Variants in CADM1 observed in about 807,000 individuals in gnomAD.
CADM1 encodes the protein cell adhesion molecule 1.
CADM1 carries 15 observed loss-of-function variants against 53.1 expected under a neutral mutation model. The observed-to-expected ratio is 0.28, with a 90% CI of 0.19 to 0.44. The LOEUF (loss-of-function observed/expected upper bound fraction) is 0.44, where lower values mean the gene tolerates loss of function less well. CADM1 is among the 20% of genes least tolerant of loss of function. The pLI is 1.00. For synonymous variants in CADM1, 281 were observed against 243.0 expected (o/e 1.16, Z -1.45); for missense variants, 434 against 611.3 (o/e 0.71, Z 3.06).
At chr11:115,319,539 T>C (rs1944766767) in intron 1 of CADM1, among the ~76,000 whole-genome samples, 1 of 152,166 alleles carries the variant, frequency 6.6e-6, no homozygotes, top group South Asian at 2.1e-4. Flanking sequence ...TATATTCCCA[T>C]TTACTCATTA....
chr11:115,464,697 G>A (rs1345340722), intron 1 of CADM1, among the ~76,000 whole-genome samples: 1 of 152,076 alleles, frequency 6.6e-6, no homozygotes, highest in Non-Finnish European at 1.5e-5. Flanking sequence ...GCATTAAGGG[G>A]GAATAAAAAG....
chr11:115,354,686 G>T (rs1156845713), intron 1 of CADM1, among the ~76,000 whole-genome samples: 1 of 152,148 alleles, frequency 6.6e-6, no homozygotes, highest in Non-Finnish European at 1.5e-5. Context: ...TCATGGGAAA[G>T]AGCCAAGTTT....
At chr11:115,358,905 T>C (rs1402201810) in intron 1 of CADM1, among the ~76,000 whole-genome samples, 1 of 152,064 alleles carries the variant, frequency 6.6e-6, no homozygotes, top group Non-Finnish European at 1.5e-5. Flanking sequence ...ATTCACTGCT[T>C]CGCCCACCGA....
At chr11:115,454,098 A>G (rs893167096) in intron 1 of CADM1, among the ~76,000 whole-genome samples, 1 of 152,140 alleles carries the variant, frequency 6.6e-6, no homozygotes, top group African/African-American at 2.4e-5. Context: ...TTGCCTCTTC[A>G]TGGATTTGGA....
Position 115,272,664 on chromosome 11 carries a change from C to A in CADM1, c.125-32244G>T, listed in dbSNP as rs117779434. Among the ~76,000 whole-genome samples the A allele has an allele frequency of 4.8e-5, 7 of 145,604 alleles. 1 individual carries two copies. The South Asian group carries it at 1.5e-3, about 31-fold the overall frequency. ...GAGACTCAAAATAAGATTATTTCTA[C>A]GATGAAACACTTGAGAAGAGACCTA... On this transcript the variant is annotated intron_variant, in intron 1 of 11. Coordinates refer to ENST00000331581, the MANE Select transcript of CADM1 (RefSeq NM_001301043.2).
chr11:115,272,596 C>T (rs1233414197), intron 1 of CADM1, among the ~76,000 whole-genome samples: 1 of 151,996 alleles, frequency 6.6e-6, no homozygotes, highest in Non-Finnish European at 1.5e-5. Context: ...AGAGGACAAA[C>T]TTCATGTTAT....
At chr11:115,503,247 G>A (rs1949771005) in intron 1 of CADM1, among the ~76,000 whole-genome samples, 1 of 152,214 alleles carries the variant, frequency 6.6e-6, no homozygotes, top group Admixed American at 6.5e-5. Context: ...TTTCCCGACC[G>A]CGCCAACGCG....
chr11:115,327,963 AT>A (rs1945004189), intron 1 of CADM1, among the ~76,000 whole-genome samples: 1 of 151,974 alleles, frequency 6.6e-6, no homozygotes, highest in African/African-American at 2.4e-5. Flanking sequence ...TACACTCAGT[AT>A]TTTTTTCTGC....
intron 1 of CADM1, among the ~76,000 whole-genome samples, chr11:115,426,359 T>A (rs1272497804): frequency 6.6e-6 from 1 of 152,130 alleles, no homozygotes; most frequent in Non-Finnish European, 1.5e-5. Context: ...TCACAGAGAC[T>A]TTTGATTTCA....
chr11:115,418,040 C>T (rs925668345), intron 1 of CADM1, among the ~76,000 whole-genome samples: 3 of 152,090 alleles, frequency 2.0e-5, no homozygotes, highest in African/African-American at 7.2e-5. Context: ...TAATGAATAA[C>T]AAAATAATTC....
chr11:115,299,588 G>A, intron 1 of CADM1, among the ~76,000 whole-genome samples: 1 of 152,264 alleles, frequency 6.6e-6, no homozygotes, highest in Admixed American at 6.5e-5. Context: ...TATTTATATA[G>A]TATATAGAAT....
chr11:115,352,568 G>T (rs1041021495), intron 1 of CADM1, among the ~76,000 whole-genome samples: 1 of 152,158 alleles, frequency 6.6e-6, no homozygotes, highest in African/African-American at 2.4e-5. Context: ...ATTACAGGAT[G>T]AGCAAAGTAA....
intron 1 of CADM1, among the ~76,000 whole-genome samples, chr11:115,493,312 A>T (rs189477795): frequency 1.8e-4 from 27 of 151,814 alleles, no homozygotes; most frequent in African/African-American, 6.3e-4. Context: ...AAGAGTAGGG[A>T]AGGCAAGCTC....
chr11:115,476,762 G>A (rs896808891), intron 1 of CADM1, among the ~76,000 whole-genome samples: 3 of 152,090 alleles, frequency 2.0e-5, no homozygotes, highest in Admixed American at 6.5e-5. Flanking sequence ...ATCAACAACC[G>A]TATATATCTC....
At chr11:115,318,840 G>A (rs1944744642) in intron 1 of CADM1, among the ~76,000 whole-genome samples, 1 of 152,192 alleles carries the variant, frequency 6.6e-6, no homozygotes, top group South Asian at 2.1e-4. Flanking sequence ...AGGTAATGCA[G>A]TAAGGATCTG....
intron 1 of CADM1, among the ~76,000 whole-genome samples, chr11:115,482,204 T>C (rs1290754607): frequency 6.6e-6 from 1 of 152,200 alleles, no homozygotes; most frequent in Non-Finnish European, 1.5e-5. Flanking sequence ...AGAGACCCCC[T>C]AGAAGTCTTT....
chr11:115,306,133 T>C (rs1426786452), intron 1 of CADM1, among the ~76,000 whole-genome samples: 1 of 133,806 alleles, frequency 7.5e-6, no homozygotes, highest in Admixed American at 8.0e-5. Context: ...AACAATGTTT[T>C]GGTCAATGAT....
intron 1 of CADM1, among the ~76,000 whole-genome samples, chr11:115,355,328 G>C (rs1381239574): frequency 1.3e-5 from 2 of 152,028 alleles, no homozygotes; most frequent in Non-Finnish European, 2.9e-5. Context: ...TGGAGCTGGA[G>C]GCCATTATCC....
rs1441177658 is a variant in CADM1 at position 115,388,337 on chromosome 11, T to C, written c.124+115934A>G. Among the ~76,000 whole-genome samples, 3 of 152,132 alleles carry C rather than the reference T, an allele frequency of 2.0e-5. No individual in the cohort carries two copies. In the East Asian group the frequency reaches 5.8e-4, roughly 29 times the overall value. ...TACTGACTGGTAAAGGTTGATGAAG[T>C]GTTATAGTTGGAAAATCACCATAGA... On this transcript the variant is annotated intron_variant, in intron 1 of 11. Coordinates refer to ENST00000331581, the MANE Select transcript of CADM1 (RefSeq NM_001301043.2).
Sources: gnomAD v4.1 joint callset for allele counts (sites outside exome capture counted in the v4.1 genomes callset) on GRCh38, gnomAD v4.1.1 for gene constraint, MANE v1.5 for transcripts, NCBI Gene and HGNC (gene_info 2026-07-23, HGNC 2026-07-21) for gene names.